COL23A1: variants seen among roughly 807,000 people sequenced by gnomAD.
COL23A1 encodes collagen type XXIII alpha 1 chain.
In COL23A1, 97 loss-of-function variants were observed where a neutral mutation model predicts 99.3. The observed-to-expected ratio is 0.98, with a 90% CI of 0.83 to 1.16. The LOEUF (loss-of-function observed/expected upper bound fraction) is 1.16. COL23A1 is among the 50% of genes most tolerant of loss of function. The pLI is 0.00. For synonymous variants in COL23A1, 320 were observed against 308.2 expected, an observed-to-expected ratio of 1.04 and a Z score of -0.40; for missense variants, 762 against 757.4, an observed-to-expected ratio of 1.01 and a Z score of -0.07.
chr5:178,436,929 G>T (rs147746019), intron 2 of COL23A1, among the ~76,000 whole-genome samples: 7 of 152,290 alleles, frequency 4.6e-5, no homozygotes, highest in African/African-American at 1.7e-4. Context: ...GACCTGGCCT[G>T]CACAATTGAC....
At chr5:178,426,837 T>C (rs1190568081) in intron 2 of COL23A1, among the ~76,000 whole-genome samples, 4 of 152,086 alleles carry the variant, frequency 2.6e-5, no homozygotes, top group Admixed American at 1.3e-4. Flanking sequence ...TCAAAGAACA[T>C]AGATGATGGC....
rs1266700898 is a variant in COL23A1 at position 178,309,210 on chromosome 5, C to T, written c.362-2291G>A. 1.3e-5 allele frequency among the ~76,000 whole-genome samples: 2 copies of T among 152,190 alleles called. No homozygotes were observed. The highest frequency in any genetic ancestry group is 2.4e-5 in the African/African-American group (1 of 41,458). ...GCCTGTGTTGGGGCAGCTGAACTAA[C>T]GGATTTGTCTGGTGGCTCTCCTGGG... On this transcript the variant is annotated intron_variant, in intron 2 of 28. Coordinates refer to ENST00000390654, the MANE Select transcript of COL23A1 (RefSeq NM_173465.4). The surrounding 1 kb of genome is among the most constrained non-coding windows in gnomAD (Gnocchi z 4.7).
chr5:178,290,444 C>A (rs1757394035), intron 3 of COL23A1, 75 bp from the exon 4 acceptor site: 1 of 1,590,954 alleles, frequency 6.3e-7, no homozygotes, highest in Admixed American at 1.7e-5. Context: ...GCACGGTCCC[C>A]TCACCTGTCC....
chr5:178,257,653 G>A, intron 12 of COL23A1, 86 bp from the exon 13 acceptor site: 1 of 1,361,220 alleles, frequency 7.3e-7, no homozygotes, highest in Non-Finnish European at 1.0e-6. Flanking sequence ...CAGCACACCA[G>A]TCTGCTCCTG....
chr5:178,292,594 C>T (rs899503395), intron 3 of COL23A1, among the ~76,000 whole-genome samples: 10 of 152,242 alleles, frequency 6.6e-5, no homozygotes, highest in African/African-American at 1.4e-4. Flanking sequence ...TAAAGATCCC[C>T]GTGTGGGGTA....
At chr5:178,337,247 G>A (rs1443172047) in intron 2 of COL23A1, among the ~76,000 whole-genome samples, 4 of 152,240 alleles carry the variant, frequency 2.6e-5, no homozygotes, top group Admixed American at 1.3e-4. Context: ...GCAGAGACCC[G>A]CGTGTGAGGG....
intron 2 of COL23A1, among the ~76,000 whole-genome samples, chr5:178,542,707 G>A (rs967710372): frequency 6.6e-6 from 1 of 151,924 alleles, no homozygotes; most frequent in Non-Finnish European, 1.5e-5. Context: ...AAGGGGGAGG[G>A]GAGGGCTGGG....
chr5:178,424,238 A>C (rs1283122782), intron 2 of COL23A1, among the ~76,000 whole-genome samples: 2 of 152,228 alleles, frequency 1.3e-5, no homozygotes, highest in Non-Finnish European at 2.9e-5. Flanking sequence ...ATTAGGTGCC[A>C]AAGCAACTCT....
chr5:178,368,086 G>T (rs555907144), intron 2 of COL23A1, among the ~76,000 whole-genome samples: 5 of 152,218 alleles, frequency 3.3e-5, no homozygotes, highest in Non-Finnish European at 7.3e-5. Context: ...AGGGAGGGAG[G>T]ATTTTGATGC....
At chr5:178,559,061 A>T (rs927846330) in intron 2 of COL23A1, among the ~76,000 whole-genome samples, 12 of 152,156 alleles carry the variant, frequency 7.9e-5, no homozygotes, top group Admixed American at 3.9e-4. Context: ...AAGTGCTGGG[A>T]TTACAGGCGT....
At chr5:178,372,843 T>G (rs961443337) in intron 2 of COL23A1, among the ~76,000 whole-genome samples, 3 of 152,162 alleles carry the variant, frequency 2.0e-5, no homozygotes, top group African/African-American at 7.2e-5. Context: ...CCCAAAGTAC[T>G]GGGATTACAG....
intron 2 of COL23A1, among the ~76,000 whole-genome samples, chr5:178,408,975 TACACACACAC>T (rs61457266): frequency 0.012 from 1,223 of 101,640 alleles, 25 homozygotes; most frequent in Middle Eastern, 0.075. Context: ...AAAAAAAAAA[TACACACACAC>T]ACACACACAC....
At position 178,518,526 on chromosome 5, in the gene COL23A1, G is replaced by T. The variant is rs1332897420; in HGVS notation, c.361+42156C>A. On this transcript the variant is annotated intron_variant, in intron 2 of 28. Transcript: ENST00000390654. ...ACGGGGTGGCTGGCCGGGCAGAGGGGCTCCTCACTTCTCAGACGGGGCGGC... is the reference window on the plus strand; with the variant it reads ...ACGGGGTGGCTGGCCGGGCAGAGGGTCTCCTCACTTCTCAGACGGGGCGGC... Among the ~76,000 whole-genome samples, 75 of 145,302 alleles carry T rather than the reference G, an allele frequency of 5.2e-4. 1 individual carries two copies. Among genetic ancestry groups the T allele is most frequent in the Middle Eastern group, 3.6e-3 (1 of 278 alleles).
chr5:178,420,202 GCTC>G (rs1765526969), intron 2 of COL23A1, among the ~76,000 whole-genome samples: 1 of 152,068 alleles, frequency 6.6e-6, no homozygotes, highest in Non-Finnish European at 1.5e-5. Context: ...AGCATACCAC[GCTC>G]CTCACTTTCC....
chr5:178,392,734 T>G (rs1163487390), intron 2 of COL23A1, among the ~76,000 whole-genome samples: 1 of 152,206 alleles, frequency 6.6e-6, no homozygotes, highest in Non-Finnish European at 1.5e-5. Flanking sequence ...AATGTAATAG[T>G]GAGACCCCTC....
chr5:178,382,556 C>T (rs192565383), intron 2 of COL23A1, among the ~76,000 whole-genome samples: 30 of 152,212 alleles, frequency 2.0e-4, no homozygotes, highest in East Asian at 1.9e-4. Context: ...GAACCGATAC[C>T]CCACCATGGC....
chr5:178,380,135 C>T (rs1219007705), intron 2 of COL23A1, among the ~76,000 whole-genome samples: 1 of 152,102 alleles, frequency 6.6e-6, no homozygotes, highest in Non-Finnish European at 1.5e-5. Context: ...TGCTGAAGCC[C>T]TTTTTACCAC....
At chr5:178,346,187 T>TA (rs1313453158) in intron 2 of COL23A1, among the ~76,000 whole-genome samples, 1 of 152,118 alleles carries the variant, frequency 6.6e-6, no homozygotes, top group Non-Finnish European at 1.5e-5. Context: ...GCTATGGGTT[T>TA]AAATTGATCT....
At chr5:178,290,503 T>C (rs1757397458) in intron 3 of COL23A1, 134 bp from the exon 4 acceptor site, 1 of 1,189,094 alleles carries the variant, frequency 8.4e-7, no homozygotes, top group Non-Finnish European at 1.2e-6. Flanking sequence ...GATGCTGCCA[T>C]GGCTGTTTCC....
Sources: allele counts gnomAD v4.1 joint callset (sites outside exome capture counted in the v4.1 genomes callset), GRCh38; gene constraint gnomAD v4.1.1; non-coding constraint Gnocchi (gnomAD v3.1); transcripts MANE v1.5; gene names NCBI Gene and HGNC (gene_info 2026-07-23, HGNC 2026-07-21).